The following CD96 variants were observed in gnomAD, a reference collection of about 807,000 sequenced individuals.
The protein encoded by CD96 is CD96 molecule.
In CD96, 70 loss-of-function variants were observed where a neutral mutation model predicts 71.3. The observed-to-expected ratio is 0.98, with a 90% CI of 0.81 to 1.20. CD96 has a LOEUF of 1.20. CD96 is among the 50% of genes most tolerant of loss of function. The probability of loss-of-function intolerance (pLI) is 0.00; values close to 1 mark genes in which losing one functional copy is unlikely to be tolerated. For missense variants in CD96, 742 were observed against 677.5 expected, an observed-to-expected ratio of 1.10 and a Z score of -1.06; for synonymous variants, 248 against 233.0, an observed-to-expected ratio of 1.06 and a Z score of -0.59.
chr3:111,665,200 T>C (rs759343211), intron 14 of CD96, among the ~76,000 whole-genome samples: 10 of 152,126 alleles, frequency 6.6e-5, no homozygotes, highest in Non-Finnish European at 1.5e-4. Flanking sequence ...TGTGTATGTG[T>C]GTGTGTGTGT....
At chr3:111,633,220 G>A (rs1484757999) in intron 10 of CD96, among the ~76,000 whole-genome samples, 1 of 151,928 alleles carries the variant, frequency 6.6e-6, no homozygotes, top group East Asian at 1.9e-4. Flanking sequence ...GAGGGATGGG[G>A]GAACCACCAG....
At chr3:111,622,144 C>T (rs1321805033) in intron 8 of CD96, among the ~76,000 whole-genome samples, 2 of 152,114 alleles carry the variant, frequency 1.3e-5, no homozygotes, top group Non-Finnish European at 2.9e-5. Context: ...TGACTATTAG[C>T]CCTTTTCTAG....
Position 111,651,881 on chromosome 3 carries a change from C to A in CD96, c.*2075C>A, listed in dbSNP as rs1940096398. On this transcript the variant is annotated 3_prime_UTR_variant, in exon 14 of 14. Coordinates refer to ENST00000352690, the MANE Select transcript of CD96 (RefSeq NM_005816.5). The stretch of plus-strand genomic sequence containing the variant: ...TCTGGGTGAAAGACCGAGACTCCGC[C>A]TCAAAAAAAAAAAAAAAAGAAAGAA... The A allele has an allele frequency of 8.1e-6, 1 of 124,122 alleles. No homozygotes were observed. The highest frequency in any genetic ancestry group is 1.7e-5 in the Non-Finnish European group (1 of 59,422). 7.7% of individuals were successfully genotyped at this position (124,122 alleles called of 1,614,324 possible). A position where few individuals can be genotyped will look rare whatever the true frequency, so the allele number is the denominator to read the frequency against.
At chr3:111,611,260 A>G (rs1298829708) in intron 8 of CD96, among the ~76,000 whole-genome samples, 1 of 152,136 alleles carries the variant, frequency 6.6e-6, no homozygotes. Context: ...GGTAGACATA[A>G]CTGATCTTCG....
chr3:111,602,478 A>G (rs1937520244), intron 7 of CD96, among the ~76,000 whole-genome samples: 1 of 152,212 alleles, frequency 6.6e-6, no homozygotes, highest in Admixed American at 6.5e-5. Context: ...TTTATCCTTT[A>G]TGATCAAATA....
chr3:111,624,456 C>A, intron 10 of CD96, 52 bp downstream of exon 10: 2 of 985,356 alleles, frequency 2.0e-6, no homozygotes, highest in South Asian at 1.3e-5. Flanking sequence ...GTCATTCATC[C>A]GACAGATATA....
chr3:111,563,868 C>T (rs1429749863), intron 2 of CD96, among the ~76,000 whole-genome samples: 3 of 152,156 alleles, frequency 2.0e-5, no homozygotes, highest in Non-Finnish European at 1.5e-5. Flanking sequence ...AGGAAAGGCT[C>T]ATAGCAGCAA....
At chr3:111,572,448 A>T (rs1348892418) in intron 3 of CD96, among the ~76,000 whole-genome samples, 3 of 152,250 alleles carry the variant, frequency 2.0e-5, no homozygotes, top group South Asian at 4.1e-4. Flanking sequence ...TAGTATCATA[A>T]TTGTTACATG....
At position 111,561,750 on chromosome 3, in the gene CD96, C is replaced by T. The variant is rs879615217; in HGVS notation, c.419-5773C>T. 4.0e-3 allele frequency among the ~76,000 whole-genome samples: 586 copies of T among 147,324 alleles called. 1 individual carries two copies. Among genetic ancestry groups the T allele is most frequent in the Middle Eastern group, 7.1e-3 (2 of 280 alleles). ...GGTGGGCTCCACCCAGTTCGAGCTT[C>T]CCGGCTGCTTTGTTTACCTAAGCAA... is the stretch of plus-strand genomic sequence containing the variant. On this transcript the variant is annotated intron_variant, in intron 2 of 13. Coordinates refer to ENST00000352690, the MANE Select transcript of CD96 (RefSeq NM_005816.5).
rs775593590 is a variant in CD96, at chr3:111,545,359, G to A, written c.375G>A (p.Glu125=). The change falls in exon 2 of 14, where the codon GAG becomes GAA. Residue 125 remains glutamate, a synonymous_variant. Coordinates refer to ENST00000352690, the MANE Select transcript of CD96 (RefSeq NM_005816.5). ...RYECMLVLYP[E]GIQTKIYNLL... ...AGTGTATGCTTGTTCTGTATCCAGA[G>A]GGCATTCAGACTAAAATCTACAACC... 27 of 1,613,352 alleles carry A rather than the reference G, an allele frequency of 1.7e-5. No homozygotes were observed. Among genetic ancestry groups the A allele is most frequent in the Non-Finnish European group, 2.2e-5 (26 of 1,179,410 alleles).
intron 12 of CD96, among the ~76,000 whole-genome samples, chr3:111,645,043 G>A (rs879564224): frequency 6.6e-6 from 1 of 151,974 alleles, no homozygotes; most frequent in Non-Finnish European, 1.5e-5. Flanking sequence ...GTCATTATTC[G>A]AAAAAGATAC....
intron 5 of CD96, among the ~76,000 whole-genome samples, chr3:111,591,774 G>A (rs769974637): frequency 1.3e-5 from 2 of 152,182 alleles, no homozygotes; most frequent in African/African-American, 4.8e-5. Context: ...CAGATCTCTA[G>A]ATAAAAAAAG....
At chr3:111,584,805 G>A (rs1936632628) in intron 4 of CD96, among the ~76,000 whole-genome samples, 1 of 152,168 alleles carries the variant, frequency 6.6e-6, no homozygotes, top group African/African-American at 2.4e-5. Flanking sequence ...ATTTGAGTGA[G>A]GACAGAGCCA....
intron 5 of CD96, among the ~76,000 whole-genome samples, chr3:111,592,248 T>G (rs1315964214): frequency 6.6e-6 from 1 of 152,218 alleles, no homozygotes; most frequent in East Asian, 1.9e-4. Context: ...AAATTAATAT[T>G]TTAGGCATAC....
At chr3:111,632,206 T>G (rs1399751696) in intron 10 of CD96, among the ~76,000 whole-genome samples, 2 of 152,122 alleles carry the variant, frequency 1.3e-5, no homozygotes, top group African/African-American at 4.8e-5. Flanking sequence ...GGATAAAATT[T>G]TTGCCATCTA....
intron 7 of CD96, among the ~76,000 whole-genome samples, chr3:111,606,468 G>A (rs931376971): frequency 6.6e-6 from 1 of 152,084 alleles, no homozygotes; most frequent in Non-Finnish European, 1.5e-5. Flanking sequence ...CACTGTCATG[G>A]TACTCAACAC....
chr3:111,555,009 C>A (rs1163393161), intron 2 of CD96, among the ~76,000 whole-genome samples: 2 of 152,016 alleles, frequency 1.3e-5, no homozygotes, highest in Non-Finnish European at 2.9e-5. Flanking sequence ...TCTAATGCAG[C>A]CACTGATTTG....
At chr3:111,603,799 T>C (rs1014896305) in intron 7 of CD96, among the ~76,000 whole-genome samples, 1 of 152,124 alleles carries the variant, frequency 6.6e-6, no homozygotes, top group African/African-American at 2.4e-5. Flanking sequence ...AGAGGAGTAA[T>C]AAAAAGATAT....
downstream of CD96, among the ~76,000 whole-genome samples, chr3:111,652,614 C>T (rs910905941): frequency 6.6e-6 from 1 of 152,016 alleles, no homozygotes; most frequent in African/African-American, 2.4e-5. Context: ...CTTTTAGTAT[C>T]GTAATTAAGT....
Sources: allele counts gnomAD v4.1 joint callset (sites outside exome capture counted in the v4.1 genomes callset), GRCh38; gene constraint gnomAD v4.1.1; transcripts MANE v1.5; gene names NCBI Gene and HGNC (gene_info 2026-07-23, HGNC 2026-07-21).